UBR1: variants seen among roughly 807,000 people sequenced by gnomAD.
UBR1 encodes ubiquitin protein ligase E3 component n-recognin 1, also known as E3 ubiquitin-protein ligase UBR1.
Under a neutral mutation model 242.1 loss-of-function variants are expected in UBR1, and 102 were observed. That is an observed-to-expected ratio of 0.42 (90% CI 0.36 to 0.50). UBR1 has a LOEUF of 0.50. Ranked by LOEUF, UBR1 falls within the 20% of genes least tolerant of loss-of-function variation. The pLI is 0.01. For missense variants in UBR1, 1,772 were observed against 2,101.8 expected, an observed-to-expected ratio of 0.84 and a Z score of 3.07; for synonymous variants, 675 against 684.8, an observed-to-expected ratio of 0.99 and a Z score of 0.22.
At chr15:43,035,280 ATT>A (rs932998092) in intron 19 of UBR1, among the ~76,000 whole-genome samples, 20 of 151,924 alleles carry the variant, frequency 1.3e-4, no homozygotes, top group African/African-American at 4.8e-4. Context: ...TTTTCATGTG[ATT>A]TTTTTTCTTT....
At chr15:43,044,737 C>T (rs567475936) in intron 14 of UBR1, among the ~76,000 whole-genome samples, 79 of 152,086 alleles carry the variant, frequency 5.2e-4, no homozygotes, top group African/African-American at 1.8e-3. Context: ...CTAAAAAATA[C>T]AAAACAAATT....
intron 5 of UBR1, 90 bp from the exon 6 acceptor site, chr15:43,068,126 C>T (rs1394224188): frequency 1.2e-6 from 1 of 843,926 alleles, no homozygotes; most frequent in Non-Finnish European, 1.7e-6. Flanking sequence ...TAATACATAA[C>T]ATCTGTGTAG....
At chr15:43,101,558 G>A (rs773544011) in intron 1 of UBR1, among the ~76,000 whole-genome samples, 2 of 152,112 alleles carry the variant, frequency 1.3e-5, no homozygotes, top group Non-Finnish European at 2.9e-5. Flanking sequence ...GGCCAGGTGC[G>A]ATGGCTCACA....
chr15:42,950,160 A>G (rs2031807738), intron 46 of UBR1, 102 bp downstream of exon 46: 1 of 1,121,114 alleles, frequency 8.9e-7, no homozygotes. Context: ...TTGTGATTAA[A>G]GAACTATTAC....
chr15:43,069,906 A>G (rs2033803181), intron 5 of UBR1, among the ~76,000 whole-genome samples: 1 of 152,248 alleles, frequency 6.6e-6, no homozygotes, highest in South Asian at 2.1e-4. Context: ...GGAAATTAAC[A>G]TATTTGTGGA....
At chr15:43,091,256 T>C (rs1257319372) in intron 1 of UBR1, among the ~76,000 whole-genome samples, 6 of 152,162 alleles carry the variant, frequency 3.9e-5, no homozygotes, top group African/African-American at 1.4e-4. Context: ...AGTTTTAAAA[T>C]CTACCTTTAC....
chr15:43,077,133 G>A (rs1368739192), intron 3 of UBR1, among the ~76,000 whole-genome samples: 2 of 138,880 alleles, frequency 1.4e-5, no homozygotes, highest in African/African-American at 5.2e-5. Flanking sequence ...GCCCGGCCAC[G>A]ACCCCGTCTG....
intron 1 of UBR1, among the ~76,000 whole-genome samples, chr15:43,086,457 GAA>G (rs1339118239): frequency 9.4e-6 from 1 of 106,672 alleles, no homozygotes; most frequent in Non-Finnish European, 1.9e-5. Flanking sequence ...AAAAAAAAAA[GAA>G]GAGTAGCTGT....
At chr15:42,960,776 C>A in intron 42 of UBR1, 75 bp from the exon 43 acceptor site, 2 of 1,316,524 alleles carry the variant, frequency 1.5e-6, no homozygotes, top group South Asian at 2.8e-5. Flanking sequence ...AAGCCATTCT[C>A]TTTTTTTTTT....
At chr15:43,083,641 C>CA (rs2033999300) in intron 2 of UBR1, among the ~76,000 whole-genome samples, 1 of 152,044 alleles carries the variant, frequency 6.6e-6, no homozygotes, top group Admixed American at 6.5e-5. Context: ...CTCAGCCTCC[C>CA]AAAGTGCTGG....
intron 33 of UBR1, among the ~76,000 whole-genome samples, chr15:42,992,275 T>TG (rs1193759660): frequency 6.6e-6 from 1 of 152,240 alleles, no homozygotes; most frequent in Non-Finnish European, 1.5e-5. Context: ...GATTGGCATT[T>TG]GGTTGTTTTT....
chr15:43,030,099 G>A (rs1307180514), intron 20 of UBR1, 31 bp from the exon 21 acceptor site: 1 of 1,599,618 alleles, frequency 6.3e-7, no homozygotes, highest in African/African-American at 1.3e-5. Flanking sequence ...CAAAAAAAAA[G>A]TAGAATAATT....
chr15:42,986,881 C>A (rs1319215259), intron 35 of UBR1, among the ~76,000 whole-genome samples: 1 of 152,322 alleles, frequency 6.6e-6, no homozygotes, highest in African/African-American at 2.4e-5. Context: ...CAGGAAGACA[C>A]GGTCCCCACC....
At chr15:43,076,569 T>G (rs1197847545) in intron 3 of UBR1, among the ~76,000 whole-genome samples, 1 of 143,280 alleles carries the variant, frequency 7.0e-6, no homozygotes, top group African/African-American at 2.6e-5. Context: ...CTGTCTGGGA[T>G]GTGAGGAGCG....
chr15:42,982,664 G>A (rs567362704), intron 37 of UBR1, among the ~76,000 whole-genome samples: 1 of 152,144 alleles, frequency 6.6e-6, no homozygotes, highest in Non-Finnish European at 1.5e-5. Flanking sequence ...AGAAGCTTGT[G>A]GGGATTGACA....
At chr15:43,084,688 C>T (rs1486433439) in intron 2 of UBR1, among the ~76,000 whole-genome samples, 4 of 152,252 alleles carry the variant, frequency 2.6e-5, no homozygotes, top group African/African-American at 4.8e-5. Flanking sequence ...CTCCTGACCT[C>T]GTGATCCACC....
intron 1 of UBR1, among the ~76,000 whole-genome samples, chr15:43,105,211 C>G (rs2034282862): frequency 6.6e-6 from 1 of 152,036 alleles, no homozygotes; most frequent in Non-Finnish European, 1.5e-5. Context: ...CCTGGGCATC[C>G]AGAACATTCC....
chr15:43,058,308 C>G (rs1173598919), intron 10 of UBR1, 33 bp downstream of exon 10: 1 of 1,337,412 alleles, frequency 7.5e-7, no homozygotes, highest in Non-Finnish European at 1.1e-6. Flanking sequence ...CTGCCTATTT[C>G]TATTTATTGA....
intron 40 of UBR1, among the ~76,000 whole-genome samples, chr15:42,967,353 G>A (rs767858392): frequency 6.7e-6 from 1 of 149,358 alleles, no homozygotes; most frequent in Non-Finnish European, 1.5e-5. Context: ...ATGAGCCACC[G>A]TGACTGGCCT....
Sources: allele counts gnomAD v4.1 joint callset (sites outside exome capture counted in the v4.1 genomes callset), GRCh38; gene constraint gnomAD v4.1.1; transcripts MANE v1.5; gene names NCBI Gene and HGNC (gene_info 2026-07-23, HGNC 2026-07-21).